The following CCDC170 variants were observed in gnomAD, a reference collection of about 807,000 sequenced individuals.
CCDC170 encodes coiled-coil domain-containing protein 170.
Under a neutral mutation model 72.6 loss-of-function variants are expected in CCDC170, and 69 were observed. The observed-to-expected ratio is 0.95, with a 90% CI of 0.78 to 1.16. The LOEUF (loss-of-function observed/expected upper bound fraction) is 1.16. Among genes scored for constraint, CCDC170 ranks in the 50% most tolerant of loss-of-function variants. The pLI is 0.00. For missense variants in CCDC170, 852 were observed against 832.5 expected, an observed-to-expected ratio of 1.02 and a Z score of -0.29; for synonymous variants, 300 against 303.9, an observed-to-expected ratio of 0.99 and a Z score of 0.13.
chr6:151,529,921 G>A (rs79662926), intron 1 of CCDC170, among the ~76,000 whole-genome samples: 5,148 of 151,790 alleles, frequency 0.034, 282 homozygotes, highest in African/African-American at 0.12. Context: ...AAGGGTAGAA[G>A]GGCCAGAAAG....
intron 1 of CCDC170, among the ~76,000 whole-genome samples, chr6:151,516,134 ATC>A (rs1315748796): frequency 6.6e-6 from 1 of 151,838 alleles, no homozygotes; most frequent in Non-Finnish European, 1.5e-5. Flanking sequence ...CAGGGCTGTT[ATC>A]TGTCATATAA....
At chr6:151,531,706 G>C (rs1782493093) in intron 1 of CCDC170, among the ~76,000 whole-genome samples, 1 of 152,310 alleles carries the variant, frequency 6.6e-6, no homozygotes, top group East Asian at 1.9e-4. Flanking sequence ...AAAGGAAAGA[G>C]GTTTATTTGA....
intron 5 of CCDC170, among the ~76,000 whole-genome samples, chr6:151,557,188 C>G (rs2115068219): frequency 6.6e-6 from 1 of 152,242 alleles, no homozygotes; most frequent in East Asian, 1.9e-4. Context: ...GCGGGTGGAT[C>G]ATGACGTAAG....
chr6:151,529,427 G>A (rs1416155851), intron 1 of CCDC170, among the ~76,000 whole-genome samples: 1 of 152,194 alleles, frequency 6.6e-6, no homozygotes, highest in African/African-American at 2.4e-5. Context: ...GGGAGGCTGT[G>A]GTGGGAGGAT....
At chr6:151,603,678 G>T (rs777276119) in intron 9 of CCDC170, among the ~76,000 whole-genome samples, 1 of 152,192 alleles carries the variant, frequency 6.6e-6, no homozygotes, top group Non-Finnish European at 1.5e-5. Context: ...TCACTGGAAA[G>T]AAGCACCTGG....
chr6:151,574,943 G>T (rs1490838266), intron 6 of CCDC170, among the ~76,000 whole-genome samples: 2 of 152,064 alleles, frequency 1.3e-5, no homozygotes, highest in Non-Finnish European at 2.9e-5. Context: ...TGTGTTGGTG[G>T]CCTGAACAGT....
rs142874190 is a variant in CCDC170, at chr6:151,528,825, A to C, written c.58-7493A>C. Among the ~76,000 whole-genome samples, 428 of 152,188 alleles carry C rather than the reference A, an allele frequency of 2.8e-3. 3 individuals are homozygous for C. Among genetic ancestry groups the C allele is most frequent in the African/African-American group, 9.8e-3 (406 of 41,542 alleles). On this transcript the variant is annotated intron_variant, in intron 1 of 10. Transcript: ENST00000239374. ...TGCACTCCAGCCTGGACAACAGAGT[A>C]AGACTCTGTCTCAAAATATATATAT... is the stretch of plus-strand genomic sequence containing the variant.
At chr6:151,497,177 C>T (rs1008768946) in intron 1 of CCDC170, among the ~76,000 whole-genome samples, 1 of 151,504 alleles carries the variant, frequency 6.6e-6, no homozygotes, top group Non-Finnish European at 1.5e-5. Flanking sequence ...ATCGCTTGAG[C>T]CCAAGAGTTT....
intron 1 of CCDC170, among the ~76,000 whole-genome samples, chr6:151,517,297 A>C (rs937372382): frequency 1.1e-4 from 16 of 152,104 alleles, no homozygotes; most frequent in African/African-American, 3.6e-4. Flanking sequence ...ACCCCATTGC[A>C]CTCCATCCTG....
At chr6:151,561,034 A>C (rs1783068976) in intron 5 of CCDC170, among the ~76,000 whole-genome samples, 1 of 151,894 alleles carries the variant, frequency 6.6e-6, no homozygotes, top group South Asian at 2.1e-4. Flanking sequence ...CTTTTTTTAA[A>C]GTAAAAATTA....
rs571737881 is a variant in CCDC170, at chr6:151,517,226, G to A, written c.58-19092G>A. On this transcript the variant is annotated intron_variant, in intron 1 of 10. Coordinates refer to ENST00000239374, the MANE Select transcript of CCDC170 (RefSeq NM_025059.4). The stretch of plus-strand genomic sequence containing the variant: ...ACATGCCTATAATCCCATCTACTCG[G>A]GAGGCTGAGGCAGGAGAATTGCTTG... 2.0e-4 allele frequency among the ~76,000 whole-genome samples: 30 copies of A among 152,152 alleles called. No homozygotes were observed. The South Asian group carries it at 6.0e-3, about 30-fold the overall frequency.
intron 9 of CCDC170, among the ~76,000 whole-genome samples, chr6:151,612,382 G>A (rs1776887596): frequency 6.6e-6 from 1 of 152,094 alleles, no homozygotes; most frequent in African/African-American, 2.4e-5. Flanking sequence ...TACATAATCA[G>A]GAATCGAGCA....
At chr6:151,520,757 C>T (rs550631249) in intron 1 of CCDC170, among the ~76,000 whole-genome samples, 1 of 152,174 alleles carries the variant, frequency 6.6e-6, no homozygotes, top group East Asian at 1.9e-4. Context: ...GATCTTGTGG[C>T]CCCCAGCTAG....
chr6:151,500,573 TAA>T (rs60380275), intron 1 of CCDC170, among the ~76,000 whole-genome samples: 20,489 of 151,800 alleles, frequency 0.13, 1,775 homozygotes, highest in East Asian at 0.37. Context: ...AGGTTGAAAG[TAA>T]AAGTGTATAA....
intron 1 of CCDC170, among the ~76,000 whole-genome samples, chr6:151,495,990 G>T (rs964232518): frequency 2.0e-5 from 3 of 152,032 alleles, no homozygotes; most frequent in Non-Finnish European, 1.5e-5. Flanking sequence ...TTCCATCTCA[G>T]GATCACACAC....
At chr6:151,600,589 A>G (rs1019550353) in intron 9 of CCDC170, among the ~76,000 whole-genome samples, 1 of 152,160 alleles carries the variant, frequency 6.6e-6, no homozygotes, top group African/African-American at 2.4e-5. Context: ...AAATAAGGTC[A>G]CATTCCGAGG....
chr6:151,599,717 G>A (rs548569121), intron 9 of CCDC170, among the ~76,000 whole-genome samples: 54 of 152,264 alleles, frequency 3.5e-4, no homozygotes, highest in South Asian at 1.0e-3. Context: ...ACAGCAGTGC[G>A]ATAATGACTG....
chr6:151,565,607 C>T (rs1026961513), intron 5 of CCDC170, among the ~76,000 whole-genome samples: 24 of 152,244 alleles, frequency 1.6e-4, no homozygotes, highest in South Asian at 6.2e-4. Context: ...ATTATCTACT[C>T]GCTGTTTTAT....
intron 6 of CCDC170, among the ~76,000 whole-genome samples, chr6:151,577,535 C>G (rs756144522): frequency 1.3e-5 from 2 of 152,200 alleles, no homozygotes; most frequent in Non-Finnish European, 2.9e-5. Context: ...TCACCTCTAT[C>G]TGGACATTTT....
Sources: allele counts gnomAD v4.1 joint callset (sites outside exome capture counted in the v4.1 genomes callset), GRCh38; gene constraint gnomAD v4.1.1; transcripts MANE v1.5; gene names NCBI Gene and HGNC (gene_info 2026-07-23, HGNC 2026-07-21).